Variants in ARSB observed in about 807,000 individuals in gnomAD.
ARSB encodes the protein N-acetylgalactosamine-4-sulfatase.
A neutral mutation model predicts 50.9 loss-of-function variants in ARSB; 41 were observed. The ratio of observed to expected loss-of-function variants is 0.81; its 90% CI spans 0.63 to 1.04. The LOEUF (loss-of-function observed/expected upper bound fraction) is 1.04. ARSB is among the 50% of genes least tolerant of loss of function. The probability of loss-of-function intolerance (pLI) is 0.00; values close to 1 mark genes in which losing one functional copy is unlikely to be tolerated. For synonymous variants in ARSB, 269 were observed against 284.8 expected, an observed-to-expected ratio of 0.94 and a Z score of 0.56; for missense variants, 672 against 693.3, an observed-to-expected ratio of 0.97 and a Z score of 0.35.
chr5:78,787,137 T>TCTAC (rs1749109676), intron 6 of ARSB, among the ~76,000 whole-genome samples: 1 of 147,240 alleles, frequency 6.8e-6, no homozygotes, highest in Non-Finnish European at 1.5e-5. Context: ...TATCTATCTA[T>TCTAC]ATAGATACAG....
At chr5:78,851,126 T>C (rs975227669) in intron 5 of ARSB, among the ~76,000 whole-genome samples, 3 of 152,220 alleles carry the variant, frequency 2.0e-5, no homozygotes, top group Non-Finnish European at 4.4e-5. Flanking sequence ...TGCTCTTGCT[T>C]TTCTAGTTGT....
chr5:78,852,521 G>C (rs957769112), intron 5 of ARSB, among the ~76,000 whole-genome samples: 1 of 152,106 alleles, frequency 6.6e-6, no homozygotes, highest in Non-Finnish European at 1.5e-5. Flanking sequence ...TGATGAATCT[G>C]ACAATTATGT....
intron 5 of ARSB, among the ~76,000 whole-genome samples, chr5:78,856,743 A>G (rs1746166755): frequency 6.6e-6 from 1 of 152,206 alleles, no homozygotes; most frequent in South Asian, 2.1e-4. Flanking sequence ...ACATATATGC[A>G]TGTATTCATT....
chr5:78,927,164 G>C (rs1055806446), intron 4 of ARSB, among the ~76,000 whole-genome samples: 1 of 151,984 alleles, frequency 6.6e-6, no homozygotes, highest in Non-Finnish European at 1.5e-5. Context: ...ACGCCTGCCT[G>C]GCTGAAATTA....
At chr5:78,923,639 C>T (rs1330305233) in intron 4 of ARSB, among the ~76,000 whole-genome samples, 1 of 152,180 alleles carries the variant, frequency 6.6e-6, no homozygotes, top group East Asian at 1.9e-4. Context: ...ACATACCTAC[C>T]TCACATTCTG....
intron 6 of ARSB, among the ~76,000 whole-genome samples, chr5:78,835,672 A>G (rs539851770): frequency 1.3e-5 from 2 of 152,188 alleles, no homozygotes; most frequent in African/African-American, 2.4e-5. Context: ...CTGCTTATCA[A>G]TGGACACACT....
chr5:78,852,255 G>T (rs536196991), intron 5 of ARSB, among the ~76,000 whole-genome samples: 17 of 152,176 alleles, frequency 1.1e-4, no homozygotes, highest in Non-Finnish European at 2.2e-4. Context: ...AGGCCTGGTG[G>T]TGACAAAATC....
intron 4 of ARSB, among the ~76,000 whole-genome samples, chr5:78,952,589 G>A (rs772084364): frequency 7.2e-5 from 11 of 151,978 alleles, no homozygotes; most frequent in East Asian, 1.9e-4. Context: ...TGCCTGCCTC[G>A]GCCTCCCAAA....
rs1478973093 is a variant in ARSB at position 78,984,898 on chromosome 5, C to CGGGGCG, written c.312+33_312+38dup. 186 of 1,271,612 alleles carry CGGGGCG rather than the reference C, an allele frequency of 1.5e-4. No individual in the cohort carries two copies. The African/African-American group carries it at 2.6e-3, about 18-fold the overall frequency. 78.8% of individuals were successfully genotyped at this position (1,271,612 alleles called of 1,614,324 possible). A position where few individuals can be genotyped will look rare whatever the true frequency, so the allele number is the denominator to read the frequency against. ...GGAGCGGCAGGGCGCCGGCGAAAGG[C>CGGGGCG]GGGGCGGGGGCGGCGCGGGCGGCGG... is the stretch of plus-strand genomic sequence containing the variant. On this transcript the variant is annotated intron_variant, in intron 1 of 7. Coordinates refer to ENST00000264914, the MANE Select transcript of ARSB (RefSeq NM_000046.5).
At chr5:78,866,457 C>G (rs897891363) in intron 5 of ARSB, among the ~76,000 whole-genome samples, 1 of 152,144 alleles carries the variant, frequency 6.6e-6, no homozygotes, top group African/African-American at 2.4e-5. Context: ...GGGGACACAG[C>G]CAAACCATAT....
chr5:78,923,337 C>T (rs1248405430), intron 4 of ARSB, among the ~76,000 whole-genome samples: 3 of 152,236 alleles, frequency 2.0e-5, no homozygotes, highest in African/African-American at 4.8e-5. Context: ...GGGTTATGCA[C>T]ATGTGAGCCC....
intron 5 of ARSB, among the ~76,000 whole-genome samples, chr5:78,864,151 T>C (rs991011168): frequency 1.3e-5 from 2 of 151,990 alleles, no homozygotes; most frequent in African/African-American, 4.8e-5. Context: ...GCTAGAATTA[T>C]GCAAAAGAGG....
At chr5:78,844,651 T>C (rs1315666010) in intron 5 of ARSB, among the ~76,000 whole-genome samples, 2 of 152,202 alleles carry the variant, frequency 1.3e-5, no homozygotes, top group Non-Finnish European at 2.9e-5. Context: ...AAGAGTTTTA[T>C]AGTTTTAATT....
intron 4 of ARSB, among the ~76,000 whole-genome samples, chr5:78,951,142 T>G (rs1751479617): frequency 6.6e-6 from 1 of 151,944 alleles, no homozygotes; most frequent in Non-Finnish European, 1.5e-5. Context: ...ATTTTGGGAG[T>G]CTGAGGTGGG....
At chr5:78,921,381 T>C (rs534815589) in intron 4 of ARSB, among the ~76,000 whole-genome samples, 2 of 148,948 alleles carry the variant, frequency 1.3e-5, no homozygotes, top group African/African-American at 4.8e-5. Flanking sequence ...TGTGTGTGTG[T>C]GTATACACAC....
At chr5:78,924,258 G>A (rs1486013311) in intron 4 of ARSB, among the ~76,000 whole-genome samples, 1 of 152,126 alleles carries the variant, frequency 6.6e-6, no homozygotes, top group Non-Finnish European at 1.5e-5. Flanking sequence ...TCCCTATTTT[G>A]CAGATAACAA....
intron 5 of ARSB, among the ~76,000 whole-genome samples, chr5:78,872,058 T>A (rs1747218094): frequency 6.7e-6 from 1 of 150,176 alleles, no homozygotes; most frequent in African/African-American, 2.4e-5. Flanking sequence ...AAAAAACACA[T>A]GAAAAAATGC....
intron 4 of ARSB, among the ~76,000 whole-genome samples, chr5:78,926,403 C>T (rs1287378634): frequency 2.0e-5 from 3 of 152,066 alleles, no homozygotes; most frequent in Admixed American, 6.5e-5. Flanking sequence ...TGAGTCCCCA[C>T]TGGAGGTATG....
chr5:78,879,981 A>C (rs1414663620), intron 5 of ARSB, among the ~76,000 whole-genome samples: 1 of 7,420 alleles, frequency 1.3e-4, no homozygotes, highest in Non-Finnish European at 0.024. Context: ...CTTTTAAATA[A>C]AAAAAAAAAA....
Sources: allele counts gnomAD v4.1 joint callset (sites outside exome capture counted in the v4.1 genomes callset), GRCh38; gene constraint gnomAD v4.1.1; transcripts MANE v1.5; gene names NCBI Gene and HGNC (gene_info 2026-07-23, HGNC 2026-07-21).